The following LMF1 variants were observed in gnomAD, a reference collection of about 807,000 sequenced individuals.
The protein encoded by LMF1 is transmembrane protein 112.
In LMF1, 68 loss-of-function variants were observed where a neutral mutation model predicts 60.6. The ratio of observed to expected loss-of-function variants is 1.12; its 90% confidence interval spans 0.92 to 1.37. The LOEUF (loss-of-function observed/expected upper bound fraction) is 1.37. LMF1 is among the 40% of genes most tolerant of loss of function. The probability of loss-of-function intolerance (pLI) is 0.00; values close to 1 mark genes in which losing one functional copy is unlikely to be tolerated. For synonymous variants in LMF1, 418 were observed against 324.7 expected (o/e 1.29, Z -3.09); for missense variants, 948 against 767.2 (o/e 1.24, Z -2.78).
intron 9 of LMF1, 134 bp from the exon 10 acceptor site, chr16:869,190 A>G: frequency 1.4e-6 from 1 of 712,934 alleles, no homozygotes; most frequent in East Asian, 2.6e-5. Context: ...GCCGCACTCC[A>G]GCTCTTTGGC....
intron 6 of LMF1, among the ~76,000 whole-genome samples, chr16:876,613 TAAGTC>T (rs1266197086): frequency 1.3e-5 from 2 of 151,936 alleles, no homozygotes; most frequent in Non-Finnish European, 2.9e-5. Flanking sequence ...TGTTCTAAAA[TAAGTC>T]AATTAATAAA....
At chr16:939,228 A>G (rs2072028649) in intron 2 of LMF1, among the ~76,000 whole-genome samples, 1 of 145,800 alleles carries the variant, frequency 6.9e-6, no homozygotes, top group African/African-American at 2.7e-5. Context: ...GGATGTTCTG[A>G]GTAGGGAACA....
At chr16:944,282 C>T (rs1333050311) in intron 2 of LMF1, among the ~76,000 whole-genome samples, 1 of 150,930 alleles carries the variant, frequency 6.6e-6, no homozygotes. Context: ...CTACCCGCCA[C>T]TTTCCACCAA....
intron 3 of LMF1, among the ~76,000 whole-genome samples, chr16:918,266 G>T (rs567415819): frequency 6.6e-6 from 1 of 152,164 alleles, no homozygotes. Context: ...GCGCCCGGCC[G>T]CGCGGCTTGT....
intron 2 of LMF1, among the ~76,000 whole-genome samples, chr16:936,775 G>C (rs1367950638): frequency 1.3e-5 from 2 of 152,218 alleles, no homozygotes; most frequent in Non-Finnish European, 2.9e-5. Context: ...AGGAAAAGGA[G>C]CTGATTTTTC....
intron 2 of LMF1, among the ~76,000 whole-genome samples, chr16:937,670 GA>G (rs1470180095): frequency 1.3e-5 from 2 of 152,226 alleles, no homozygotes; most frequent in African/African-American, 4.8e-5. Flanking sequence ...ATTTCTATAG[GA>G]AGCTTTTGAT....
intron 1 of LMF1, among the ~76,000 whole-genome samples, chr16:970,583 G>T (rs1274394889): frequency 6.6e-6 from 1 of 152,140 alleles, no homozygotes. Context: ...GGCTCGAGGC[G>T]GCGACAGGGG....
Position 962,998 on chromosome 16 carries a change from C to T in LMF1, c.193+7790G>A, listed in dbSNP as rs1025193898. On this transcript the variant is annotated intron_variant, in intron 1 of 10. Coordinates refer to ENST00000262301, the MANE Select transcript of LMF1 (RefSeq NM_022773.4). The surrounding 1 kb of genome is among the most constrained non-coding windows in gnomAD (Gnocchi z 4.5). ...CTGGTGACCTCTAAAGGGGCTGCGA[C>T]GGCAGGTGGGTGGGGGCAGCTCCAA... 2.0e-5 allele frequency among the ~76,000 whole-genome samples: 3 copies of T among 152,070 alleles called. No individual in the cohort carries two copies. Among genetic ancestry groups the T allele is most frequent in the South Asian group, 2.1e-4 (1 of 4,800 alleles).
rs1221758197 is a variant in LMF1 at position 853,924 on chromosome 16, T to A, written c.*608A>T. 6 of 453,952 alleles carry A rather than the reference T, an allele frequency of 1.3e-5. No homozygotes were observed. Among genetic ancestry groups the A allele is most frequent in the Admixed American group, 2.4e-5 (1 of 42,548 alleles). 28.1% of individuals were successfully genotyped at this position (453,952 alleles called of 1,614,324 possible). On this transcript the variant is annotated 3_prime_UTR_variant, in exon 11 of 11. Coordinates refer to ENST00000262301, the MANE Select transcript of LMF1 (RefSeq NM_022773.4). ...AGAACACATGTGTGCACAGGCTGTG[T>A]GTGCCTGCATGTGTGGGATGCGTGT... is the stretch of plus-strand genomic sequence containing the variant.
At position 970,904 on chromosome 16, in the gene LMF1, T is replaced by C. The variant is rs1366728753; in HGVS notation, c.77A>G (p.Glu26Gly). The C allele has an allele frequency of 5.7e-6, 9 of 1,580,772 alleles. No individual in the cohort carries two copies. The highest frequency in any genetic ancestry group is 1.7e-4 in the Middle Eastern group (1 of 5,988). Residue 26 changes from glutamate (E) to glycine (G), a missense_variant, in exon 1 of 11, where the codon GAG (glutamate) becomes GGG (glycine). Transcript: ENST00000262301. ...RRRKTGYSDP[E>G]PESPPAPGRG... is the part of the protein sequence containing the mutation. ...CCCCGGCGCGGGCGGCGACTCAGGCTCCGGATCCGAGTACCCAGTCTTCCG... is the reference window on the plus strand; with the variant it reads ...CCCCGGCGCGGGCGGCGACTCAGGCCCCGGATCCGAGTACCCAGTCTTCCG...
intron 6 of LMF1, among the ~76,000 whole-genome samples, chr16:879,201 A>G (rs1166515047): frequency 6.6e-6 from 1 of 152,118 alleles, no homozygotes; most frequent in Non-Finnish European, 1.5e-5. Context: ...ACTTGAAAGG[A>G]AACCTCTAGA....
intron 1 of LMF1, among the ~76,000 whole-genome samples, chr16:978,583 G>A (rs566544226): frequency 3.1e-4 from 47 of 152,180 alleles, no homozygotes; most frequent in Non-Finnish European, 5.7e-4. Flanking sequence ...CGGCACTCAC[G>A]GCCCAGGGGA....
intron 1 of LMF1, among the ~76,000 whole-genome samples, chr16:978,327 C>T (rs1191414923): frequency 6.7e-6 from 1 of 149,376 alleles, no homozygotes; most frequent in Non-Finnish European, 1.5e-5. Context: ...ACACATATCA[C>T]ACATTACATA....
chr16:979,094 C>T lies in LMF1; in HGVS notation c.-135+2051G>A, dbSNP rs1228717681. On this transcript the variant is annotated intron_variant, in intron 1 of 6. Transcript: ENST00000570014. ...AGCTGTGAGGGTGGCCCGGCTCCAT[C>T]CTGTGTGGGAAAGTGCCTGGCACAC... 7 of 453,840 alleles carry T rather than the reference C, an allele frequency of 1.5e-5. No individual in the cohort carries two copies. The Admixed American group carries it at 1.6e-4, about 11-fold the overall frequency. 28.1% of individuals were successfully genotyped at this position (453,840 alleles called of 1,614,324 possible). A position where few individuals can be genotyped will look rare whatever the true frequency, so the allele number is the denominator to read the frequency against.
chr16:954,714 T>C (rs2072627862), intron 1 of LMF1, 48 bp from the exon 2 acceptor site: 7 of 1,516,720 alleles, frequency 4.6e-6, no homozygotes, highest in African/African-American at 1.4e-5. Context: ...ACAAACCACA[T>C]GTGGACACCA....
chr16:877,695 T>TC (rs1384210436), intron 6 of LMF1, among the ~76,000 whole-genome samples: 1 of 151,908 alleles, frequency 6.6e-6, no homozygotes, highest in Non-Finnish European at 1.5e-5. Context: ...TGGCGGGCCC[T>TC]CCCTGCTGTG....
At chr16:932,885 G>A (rs965978968) in intron 3 of LMF1, among the ~76,000 whole-genome samples, 9 of 151,126 alleles carry the variant, frequency 6.0e-5, no homozygotes, top group African/African-American at 1.7e-4. Context: ...ACGTCTACTC[G>A]CTCCCACACG....
chr16:977,121 AGT>A (rs758889975), intron 1 of LMF1: 2 of 454,024 alleles, frequency 4.4e-6, no homozygotes, highest in South Asian at 3.1e-5. Context: ...AGACTCACTG[AGT>A]GGTTTTCCAC....
chr16:935,188 C>G (rs911859995), intron 2 of LMF1, among the ~76,000 whole-genome samples: 1 of 151,778 alleles, frequency 6.6e-6, no homozygotes, highest in East Asian at 1.9e-4. Context: ...CAACCTCAAG[C>G]TCCTGGGCTG....
Sources: gnomAD v4.1 joint callset for allele counts (sites outside exome capture counted in the v4.1 genomes callset) on GRCh38, gnomAD v4.1.1 for gene constraint, Gnocchi (gnomAD v3.1) non-coding constraint, MANE v1.5 for transcripts, NCBI Gene and HGNC (gene_info 2026-07-23, HGNC 2026-07-21) for gene names.